The following SLC41A3 variants were observed in gnomAD, a reference collection of about 807,000 sequenced individuals.
The protein encoded by SLC41A3 is SLC41A1-like 2.
In SLC41A3, 44 loss-of-function variants were observed where a neutral mutation model predicts 45.4. The observed-to-expected ratio is 0.97, with a 90% CI of 0.76 to 1.25. The LOEUF is 1.25. Ranked by LOEUF, SLC41A3 falls within the 50% of genes most tolerant of loss-of-function variation. SLC41A3 has a pLI of 0.00. For missense variants in SLC41A3, 550 were observed against 600.6 expected, an observed-to-expected ratio of 0.92 and a Z score of 0.88; for synonymous variants, 256 against 252.4, an observed-to-expected ratio of 1.01 and a Z score of -0.13.
intron 9 of SLC41A3, among the ~76,000 whole-genome samples, chr3:126,011,064 G>C (rs1232284062): frequency 1.3e-5 from 2 of 152,178 alleles, no homozygotes; most frequent in Non-Finnish European, 2.9e-5. Context: ...ACCTGGATGA[G>C]AAAAGACAAC....
intron 3 of SLC41A3, among the ~76,000 whole-genome samples, chr3:126,048,720 A>G (rs1326280119): frequency 6.6e-6 from 1 of 152,152 alleles, no homozygotes; most frequent in African/African-American, 2.4e-5. Flanking sequence ...ACAGATGGAG[A>G]TTGAAGGTAG....
At chr3:126,044,357 T>C (rs4420816) in intron 3 of SLC41A3, among the ~76,000 whole-genome samples, 4,143 of 152,272 alleles carry the variant, frequency 0.027, 168 homozygotes, top group African/African-American at 0.091. Flanking sequence ...TGTTCAATAA[T>C]AGTTGGAGAC....
intron 2 of SLC41A3, among the ~76,000 whole-genome samples, chr3:126,060,375 T>C (rs865850210): frequency 2.0e-5 from 3 of 151,356 alleles, no homozygotes; most frequent in Middle Eastern, 3.4e-3. Flanking sequence ...GCTGAGATCA[T>C]GCCATTGCAC....
At chr3:126,073,883 C>T (rs1298644284) in intron 1 of SLC41A3, among the ~76,000 whole-genome samples, 1 of 152,070 alleles carries the variant, frequency 6.6e-6, no homozygotes, top group Non-Finnish European at 1.5e-5. Context: ...AGTGTAAAGA[C>T]AACCCAAGAA....
At chr3:126,037,903 T>G (rs903338593) in intron 3 of SLC41A3, among the ~76,000 whole-genome samples, 3 of 151,986 alleles carry the variant, frequency 2.0e-5, no homozygotes, top group African/African-American at 2.4e-5. Context: ...GAAAGAATGG[T>G]TTTGGGGCCA....
At chr3:126,049,422 G>A (rs1943180253) in intron 3 of SLC41A3, among the ~76,000 whole-genome samples, 1 of 152,156 alleles carries the variant, frequency 6.6e-6, no homozygotes, top group Admixed American at 6.5e-5. Context: ...AGGAGGCAGG[G>A]GTTGCAGTGA....
chr3:126,013,188 A>G (rs1442783065), intron 8 of SLC41A3, among the ~76,000 whole-genome samples: 3 of 152,160 alleles, frequency 2.0e-5, no homozygotes, highest in African/African-American at 7.2e-5. Flanking sequence ...ACAGCCTGGA[A>G]TATCTGAGAA....
At chr3:126,043,299 A>G (rs1413431871) in intron 3 of SLC41A3, among the ~76,000 whole-genome samples, 3 of 152,120 alleles carry the variant, frequency 2.0e-5, no homozygotes, top group Non-Finnish European at 4.4e-5. Context: ...TATCTGGCAA[A>G]ACTATTTTAC....
At position 126,022,849 on chromosome 3, in the gene SLC41A3, G is replaced by A. The variant is rs1397614043; in HGVS notation, c.682C>T (p.Leu228=). Residue 228 remains leucine, a synonymous_variant, in exon 6 of 11, where the codon CTG becomes TTG. Transcript: ENST00000360370. Reference sequence around the variant, plus strand: ...ATGGACAGTGTGATGAGGTCTCCCAGGCTGGCTGCAATGGGCGTGGCAATG... The same window carrying A: ...ATGGACAGTGTGATGAGGTCTCCCAAGCTGGCTGCAATGGGCGTGGCAATG... The part of the protein sequence containing the change: ...DNIATPIAAS[L]GDLITLSILA... 6.2e-7 allele frequency: 1 copy of A among 1,614,234 alleles called. No homozygotes were observed. Among genetic ancestry groups the A allele is most frequent in the Non-Finnish European group, 8.5e-7 (1 of 1,180,046 alleles).
chr3:126,060,676 A>G lies in SLC41A3; in HGVS notation c.273+7271T>C, dbSNP rs1168955057. On this transcript the variant is annotated intron_variant, in intron 2 of 10. Coordinates refer to ENST00000360370, the MANE Select transcript of SLC41A3 (RefSeq NM_017836.4). ...GAAAACCTGAGAAGAAAACATGTCA[A>G]CACAGCTCACTGGGTTATAATCCAG... is the stretch of plus-strand genomic sequence containing the variant. Among the ~76,000 whole-genome samples, 14 of 140,564 alleles carry G rather than the reference A, an allele frequency of 1.0e-4. No homozygotes were observed. In the Admixed American group the frequency reaches 1.1e-3, roughly 11 times the overall value. The allele number at this position is 140,564 out of a possible 152,430, so 92.2% of individuals were successfully genotyped here. A position where few individuals can be genotyped will look rare whatever the true frequency, so the allele number is the denominator to read the frequency against.
intron 1 of SLC41A3, chr3:126,078,954 T>G (rs541821536): frequency 1.3e-5 from 2 of 152,408 alleles, no homozygotes; most frequent in South Asian, 2.1e-4. Context: ...CAAAGAATCA[T>G]GCCCACAGTG....
intron 2 of SLC41A3, among the ~76,000 whole-genome samples, chr3:126,061,855 G>A (rs933408639): frequency 2.0e-5 from 3 of 152,102 alleles, no homozygotes; most frequent in East Asian, 3.9e-4. Context: ...TGTCTCTCTT[G>A]GGCTCTGTCA....
intron 1 of SLC41A3, among the ~76,000 whole-genome samples, chr3:126,092,121 G>A (rs925887704): frequency 3.9e-5 from 6 of 152,196 alleles, no homozygotes; most frequent in Non-Finnish European, 8.8e-5. Context: ...CCCAAAACCT[G>A]GCCATAAACT....
chr3:126,029,322 G>A (rs1195837954), intron 4 of SLC41A3, among the ~76,000 whole-genome samples: 1 of 152,098 alleles, frequency 6.6e-6, no homozygotes, highest in Non-Finnish European at 1.5e-5. Context: ...CATCTACAAT[G>A]AGTGAGTTCT....
At chr3:126,049,482 C>T (rs935494357) in intron 3 of SLC41A3, among the ~76,000 whole-genome samples, 1 of 151,718 alleles carries the variant, frequency 6.6e-6, no homozygotes, top group African/African-American at 2.4e-5. Context: ...GCAAAACTGT[C>T]TCAAAAAAAA....
chr3:126,095,253 CAAGG>C (rs1945573132), intron 1 of SLC41A3: 3 of 688,494 alleles, frequency 4.4e-6, no homozygotes, highest in Non-Finnish European at 5.3e-6. Flanking sequence ...AGCCAGATGC[CAAGG>C]AAGAGATTCC....
At chr3:126,043,684 T>G (rs918617478) in intron 3 of SLC41A3, among the ~76,000 whole-genome samples, 5 of 151,370 alleles carry the variant, frequency 3.3e-5, no homozygotes, top group Non-Finnish European at 5.9e-5. Flanking sequence ...CTGCTATCAG[T>G]TTAAGGTAAA....
intron 1 of SLC41A3, among the ~76,000 whole-genome samples, chr3:126,099,635 A>C (rs777705921): frequency 6.6e-6 from 1 of 152,146 alleles, no homozygotes; most frequent in Admixed American, 6.6e-5. Context: ...GAGAGGGGGA[A>C]GTTGCAGTGT....
chr3:126,028,758 C>T (rs567026780), intron 4 of SLC41A3, among the ~76,000 whole-genome samples: 104 of 152,394 alleles, frequency 6.8e-4, no homozygotes, highest in Middle Eastern at 3.4e-3. Context: ...GCAGACAGGG[C>T]GGAACCCTGC....
Sources: gnomAD v4.1 joint callset for allele counts (sites outside exome capture counted in the v4.1 genomes callset) on GRCh38, gnomAD v4.1.1 for gene constraint, MANE v1.5 for transcripts, NCBI Gene and HGNC (gene_info 2026-07-23, HGNC 2026-07-21) for gene names.